Variants in ADGRL3 observed in about 807,000 individuals in gnomAD.
ADGRL3 encodes calcium-independent alpha-latrotoxin receptor 3.
In ADGRL3, 62 loss-of-function variants were observed where a neutral mutation model predicts 153.5. That is an observed-to-expected ratio of 0.40 (90% CI 0.33 to 0.50). ADGRL3 has a LOEUF of 0.50. ADGRL3 is among the 20% of genes least tolerant of loss of function. The pLI, the probability that ADGRL3 is intolerant of heterozygous loss-of-function variation, is 0.47. For missense variants in ADGRL3, 1,641 were observed against 1,859.4 expected (o/e 0.88, Z 2.16); for synonymous variants, 710 against 672.5 (o/e 1.06, Z -0.86).
At chr4:61,603,583 T>C (rs901312841) in intron 5 of ADGRL3, among the ~76,000 whole-genome samples, 1 of 152,200 alleles carries the variant, frequency 6.6e-6, no homozygotes, top group African/African-American at 2.4e-5. Context: ...TATTTAATTA[T>C]GCTCTTTTAT....
intron 8 of ADGRL3, among the ~76,000 whole-genome samples, chr4:61,771,452 T>A (rs1452640093): frequency 6.6e-6 from 1 of 152,186 alleles, no homozygotes; most frequent in Non-Finnish European, 1.5e-5. Flanking sequence ...CCATAGAGTA[T>A]TTTGAACAAA....
intron 2 of ADGRL3, among the ~76,000 whole-genome samples, chr4:61,465,064 G>A (rs2097863249): frequency 6.6e-6 from 1 of 152,148 alleles, no homozygotes; most frequent in Non-Finnish European, 1.5e-5. Flanking sequence ...TGATGTCAGA[G>A]TATATTGGGA....
chr4:61,206,827 C>T (rs1007813782), intron 1 of ADGRL3, among the ~76,000 whole-genome samples: 78 of 151,710 alleles, frequency 5.1e-4, no homozygotes, highest in Non-Finnish European at 2.2e-4. Flanking sequence ...ACTAAAAATA[C>T]AAAAATTAGC....
intron 5 of ADGRL3, among the ~76,000 whole-genome samples, chr4:61,611,796 C>T (rs2091385807): frequency 6.6e-6 from 1 of 151,952 alleles, no homozygotes; most frequent in African/African-American, 2.4e-5. Context: ...TGGTGTGTGC[C>T]TATAGTCCTA....
chr4:61,223,436 T>A (rs62312881), intron 1 of ADGRL3, among the ~76,000 whole-genome samples: 24,744 of 152,162 alleles, frequency 0.16, 2,531 homozygotes, highest in East Asian at 0.48. Context: ...TGGCCTCTTG[T>A]TTCAGTGACC....
chr4:61,515,389 T>A lies in ADGRL3; in HGVS notation c.56-1926T>A, dbSNP rs538045989. On this transcript the variant is annotated intron_variant, in intron 3 of 26. Transcript: ENST00000683033. ...ACAAAAACCCAAATGAAGTAACCTT[T>A]ACATAATACTCTATTTATTTTTTCA... is the stretch of plus-strand genomic sequence containing the variant. Among the ~76,000 whole-genome samples, 25 of 152,316 alleles carry A rather than the reference T, an allele frequency of 1.6e-4. No individual in the cohort carries two copies. In the South Asian group the frequency reaches 5.2e-3, roughly 32 times the overall value.
At chr4:61,714,218 T>TACGCACACACAAACACAC (rs1554010614) in intron 6 of ADGRL3, among the ~76,000 whole-genome samples, 4 of 128,882 alleles carry the variant, frequency 3.1e-5, no homozygotes, top group East Asian at 2.4e-4. Context: ...CCATGTAAAA[T>TACGCACACACAAACACAC]ACGCACACAC....
chr4:61,565,547 T>C (rs902338535), intron 4 of ADGRL3, among the ~76,000 whole-genome samples: 4 of 151,990 alleles, frequency 2.6e-5, no homozygotes, highest in Admixed American at 6.6e-5. Flanking sequence ...TTTTTTTTTT[T>C]CTTTTTTGAG....
chr4:61,397,908 T>C (rs2152083524), intron 2 of ADGRL3, among the ~76,000 whole-genome samples: 1 of 151,992 alleles, frequency 6.6e-6, no homozygotes, highest in South Asian at 2.1e-4. Context: ...AATAATAAAG[T>C]GGTCATTGGA....
At chr4:61,321,161 C>A (rs2095347462) in intron 1 of ADGRL3, among the ~76,000 whole-genome samples, 1 of 152,040 alleles carries the variant, frequency 6.6e-6, no homozygotes, top group Non-Finnish European at 1.5e-5. Flanking sequence ...TTCCTTTTTG[C>A]CATGTAACAT....
chr4:62,016,708 T>C (rs1396943650), intron 21 of ADGRL3, among the ~76,000 whole-genome samples: 1 of 152,128 alleles, frequency 6.6e-6, no homozygotes, highest in African/African-American at 2.4e-5. Flanking sequence ...TCAGAATCAG[T>C]TGTTAAAATT....
At chr4:61,393,199 A>G (rs1004254309) in intron 2 of ADGRL3, among the ~76,000 whole-genome samples, 2 of 152,102 alleles carry the variant, frequency 1.3e-5, no homozygotes, top group East Asian at 1.9e-4. Flanking sequence ...TGATGTTGCA[A>G]TTCTGTGATG....
rs569119516 is a variant in ADGRL3, at chr4:61,838,855, A to T, written c.1480+24966A>T. 4.6e-5 allele frequency among the ~76,000 whole-genome samples: 7 copies of T among 152,222 alleles called. 1 individual carries two copies. The highest frequency in any genetic ancestry group is 4.6e-4 in the Admixed American group (7 of 15,272). ...TAATAAAATATGAAAGGCACTGCCTATAAGTTAACTTACATTCTTTTCTTT... is the reference window on the plus strand; with the variant it reads ...TAATAAAATATGAAAGGCACTGCCTTTAAGTTAACTTACATTCTTTTCTTT... On this transcript the variant is annotated intron_variant, in intron 9 of 26. Transcript: ENST00000683033.
intron 8 of ADGRL3, among the ~76,000 whole-genome samples, chr4:61,809,591 G>A (rs2148558872): frequency 6.6e-6 from 1 of 152,090 alleles, no homozygotes; most frequent in Non-Finnish European, 1.5e-5. Flanking sequence ...ATTGCTAGCT[G>A]CTCATCGCAC....
intron 1 of ADGRL3, among the ~76,000 whole-genome samples, chr4:61,306,831 T>C (rs916739709): frequency 3.3e-5 from 5 of 152,194 alleles, no homozygotes; most frequent in Non-Finnish European, 4.4e-5. Flanking sequence ...CAATTCATCA[T>C]TCCTTCACGT....
chr4:61,780,211 C>T (rs1000750630), intron 8 of ADGRL3, among the ~76,000 whole-genome samples: 1 of 152,164 alleles, frequency 6.6e-6, no homozygotes, highest in African/African-American at 2.4e-5. Context: ...GAATTACTGC[C>T]TGTATGGTTG....
chr4:61,849,646 A>G (rs1247603318), intron 9 of ADGRL3, among the ~76,000 whole-genome samples: 1 of 152,130 alleles, frequency 6.6e-6, no homozygotes, highest in Non-Finnish European at 1.5e-5. Flanking sequence ...TGGAGCATTT[A>G]GAAACAGTTC....
chr4:61,336,492 GTCTA>G (rs904635066), intron 1 of ADGRL3, among the ~76,000 whole-genome samples: 2 of 149,136 alleles, frequency 1.3e-5, no homozygotes, highest in Admixed American at 1.3e-4. Flanking sequence ...TCTTGAGACG[GTCTA>G]TCTGTTTGGG....
At chr4:61,443,144 T>C (rs2097544951) in intron 2 of ADGRL3, among the ~76,000 whole-genome samples, 1 of 152,178 alleles carries the variant, frequency 6.6e-6, no homozygotes, top group South Asian at 2.1e-4. Context: ...TGTAGCTTTC[T>C]CAACTAACGG....
Sources: gnomAD v4.1 joint callset for allele counts (sites outside exome capture counted in the v4.1 genomes callset) on GRCh38, gnomAD v4.1.1 for gene constraint, MANE v1.5 for transcripts, NCBI Gene and HGNC (gene_info 2026-07-23, HGNC 2026-07-21) for gene names.